The following TENM2 variants were observed in gnomAD, a reference collection of about 807,000 sequenced individuals.
TENM2 encodes teneurin-2.
Under a neutral mutation model 245.2 loss-of-function variants are expected in TENM2, and 52 were observed. The ratio of observed to expected loss-of-function variants is 0.21; its 90% CI spans 0.17 to 0.27. The LOEUF (loss-of-function observed/expected upper bound fraction) is 0.27. TENM2 is among the 10% of genes least tolerant of loss of function. The pLI is 1.00. For missense variants in TENM2, 3,046 were observed against 3,666.8 expected, an observed-to-expected ratio of 0.83 and a Z score of 4.37; for synonymous variants, 1,363 against 1,438.9, an observed-to-expected ratio of 0.95 and a Z score of 1.19.
chr5:167,283,193 G>A (rs919561980), upstream of TENM2, among the ~76,000 whole-genome samples: 1 of 151,850 alleles, frequency 6.6e-6, no homozygotes, highest in Non-Finnish European at 1.5e-5. Context: ...ATAGGTGCCC[G>A]CCACCAGGCC....
chr5:167,124,494 G>A, the TENM2 span, among the ~76,000 whole-genome samples: 1 of 152,118 alleles, frequency 6.6e-6, no homozygotes, highest in Non-Finnish European at 1.5e-5. Flanking sequence ...CAACTCTACT[G>A]CATGCTTGCC....
At chr5:167,179,011 T>G in the TENM2 span, among the ~76,000 whole-genome samples, 2 of 152,216 alleles carry the variant, frequency 1.3e-5, no homozygotes, top group Non-Finnish European at 1.5e-5. Flanking sequence ...TAGGAGAGGT[T>G]CCGTATGTTT....
Position 167,335,534 on chromosome 5 carries a change from C to T in TENM2, c.227-39664C>T, listed in dbSNP as rs181730552. On this transcript the variant is annotated intron_variant, in intron 1 of 28. Coordinates refer to ENST00000518659, the Ensembl canonical transcript of TENM2. ...TTCACCTCTACCACTACTACCATTTCGTTTTGCATACAAAAGAATAAAGCC... is the reference window on the plus strand; with the variant it reads ...TTCACCTCTACCACTACTACCATTTTGTTTTGCATACAAAAGAATAAAGCC... Among the ~76,000 whole-genome samples, 4 of 152,182 alleles carry T rather than the reference C, an allele frequency of 2.6e-5. No individual in the cohort carries two copies. In the South Asian group the frequency reaches 6.2e-4, roughly 24 times the overall value.
intron 3 of TENM2, among the ~76,000 whole-genome samples, chr5:167,936,500 G>C (rs1011088491): frequency 6.6e-6 from 1 of 152,152 alleles, no homozygotes; most frequent in Non-Finnish European, 1.5e-5. Flanking sequence ...AAGTTTTCAG[G>C]CTGCCTTTCT....
At chr5:167,056,612 AATATATCTATATAAAT>A in the TENM2 span, among the ~76,000 whole-genome samples, 19 of 146,542 alleles carry the variant, frequency 1.3e-4, no homozygotes, top group East Asian at 3.9e-4. Flanking sequence ...TATCTATATA[AATATATCTATATAAAT>A]ATATATCTAT....
At chr5:167,863,616 C>T in intron 2 of TENM2, among the ~76,000 whole-genome samples, 1 of 152,114 alleles carries the variant, frequency 6.6e-6, no homozygotes, top group South Asian at 2.1e-4. Context: ...TGTACTCCAG[C>T]CTGGGTGACA....
At chr5:168,098,607 C>T (rs1793556353) in intron 9 of TENM2, among the ~76,000 whole-genome samples, 1 of 151,988 alleles carries the variant, frequency 6.6e-6, no homozygotes, top group Non-Finnish European at 1.5e-5. Flanking sequence ...TAGCTGGAGC[C>T]CTGAGATTCT....
At chr5:167,245,624 G>T in the TENM2 span, among the ~76,000 whole-genome samples, 1 of 151,644 alleles carries the variant, frequency 6.6e-6, no homozygotes, top group Non-Finnish European at 1.5e-5. Flanking sequence ...TGATTATTGA[G>T]TATAGGACAA....
At chr5:167,965,436 G>C (rs938775210) in intron 4 of TENM2, 4 of 151,990 alleles carry the variant, frequency 2.6e-5, no homozygotes, top group African/African-American at 9.7e-5. Flanking sequence ...GTCTCTCCAG[G>C]CCAGATGCAG....
intron 2 of TENM2, among the ~76,000 whole-genome samples, chr5:167,606,718 G>C (rs1431276115): frequency 6.6e-6 from 1 of 152,076 alleles, no homozygotes; most frequent in East Asian, 1.9e-4. Context: ...TGCTTGCCAG[G>C]CCTAACTCTT....
Position 167,375,359 on chromosome 5 carries a change from A to T in TENM2, c.388A>T (p.Arg130Ter). The change falls in exon 2 of 29, where the codon AGA becomes TGA. Residue 130 changes from arginine (R) to a stop codon, truncating the protein, a stop_gained. Transcript: ENST00000518659. LOFTEE classifies it high-confidence loss of function. The stretch of plus-strand genomic sequence containing the variant: ...AGGGATGTCTCCAGAACACGCCATC[A>T]GACTGTGGGGCAGAGGGATAAAATC... 6.4e-7 allele frequency: 1 copy of T among 1,551,702 alleles called. No homozygotes were observed. The highest frequency in any genetic ancestry group is 8.7e-7 in the Non-Finnish European group (1 of 1,146,996).
At chr5:168,090,506 G>T (rs758228416) in intron 7 of TENM2, 68 bp from the exon 10 acceptor site, 1 of 1,375,886 alleles carries the variant, frequency 7.3e-7, no homozygotes, top group Non-Finnish European at 9.9e-7. Flanking sequence ...GGTTCGGGGG[G>T]AAGGTACCAG....
At chr5:167,297,328 A>G (rs1182187568) in intron 1 of TENM2, 2 of 152,202 alleles carry the variant, frequency 1.3e-5, no homozygotes, top group African/African-American at 2.4e-5. Context: ...TGTATTAGGC[A>G]TTGCAAGCCC....
chr5:167,519,617 G>A (rs1334964191), intron 2 of TENM2, among the ~76,000 whole-genome samples: 1 of 152,062 alleles, frequency 6.6e-6, no homozygotes, highest in Non-Finnish European at 1.5e-5. Flanking sequence ...AAAATTAAGG[G>A]GCTCAGAGAT....
At chr5:167,244,631 T>A in the TENM2 span, among the ~76,000 whole-genome samples, 1 of 152,192 alleles carries the variant, frequency 6.6e-6, no homozygotes, top group African/African-American at 2.4e-5. Context: ...GTGTTTGACA[T>A]GTGGAGAGAA....
At chr5:167,179,788 C>T in the TENM2 span, among the ~76,000 whole-genome samples, 1 of 152,042 alleles carries the variant, frequency 6.6e-6, no homozygotes, top group Non-Finnish European at 1.5e-5. Flanking sequence ...GGTCCTTAGC[C>T]CCTGTCAAAC....
intron 2 of TENM2, among the ~76,000 whole-genome samples, chr5:167,629,125 G>C (rs1473070450): frequency 6.6e-6 from 1 of 152,132 alleles, no homozygotes; most frequent in Non-Finnish European, 1.5e-5. Flanking sequence ...AGAAATCCAA[G>C]GTTTCATAGC....
At chr5:167,041,948 T>C in the TENM2 span, among the ~76,000 whole-genome samples, 3 of 152,142 alleles carry the variant, frequency 2.0e-5, no homozygotes, top group African/African-American at 7.2e-5. Flanking sequence ...TTATTAATGG[T>C]CATAAAATTA....
chr5:167,778,391 G>A (rs1329056996), intron 2 of TENM2, among the ~76,000 whole-genome samples: 1 of 152,156 alleles, frequency 6.6e-6, no homozygotes, highest in East Asian at 1.9e-4. Flanking sequence ...GTTGGGCACT[G>A]AGCCATTACA....
Sources: allele counts gnomAD v4.1 joint callset (sites outside exome capture counted in the v4.1 genomes callset), GRCh38; gene constraint gnomAD v4.1.1; transcripts MANE v1.5; gene names NCBI Gene and HGNC (gene_info 2026-07-23, HGNC 2026-07-21).